XDH: variants seen among roughly 807,000 people sequenced by gnomAD.
The protein encoded by XDH is xanthine dehydrogenase, also known as xanthine dehydrogenase/oxidase.
Under a neutral mutation model 156.1 loss-of-function variants are expected in XDH, and 138 were observed. That is an observed-to-expected ratio of 0.88 (90% confidence interval 0.77 to 1.02). The LOEUF (loss-of-function observed/expected upper bound fraction) is 1.02. Among genes scored for constraint, XDH ranks in the 50% least tolerant of loss-of-function variants. The pLI is 0.00. For synonymous variants in XDH, 669 were observed against 625.7 expected (o/e 1.07, Z -1.03); for missense variants, 1,849 against 1,684.9 (o/e 1.10, Z -1.71).
chr2:31,352,145 A>T (rs1041014576), intron 24 of XDH, among the ~76,000 whole-genome samples: 1 of 151,818 alleles, frequency 6.6e-6, no homozygotes, highest in Non-Finnish European at 1.5e-5. Context: ...GATCCTCAAA[A>T]TTTTTTTGTA....
chr2:31,383,300 G>A, intron 10 of XDH, 148 bp from the exon 11 acceptor site: 1 of 1,270,414 alleles, frequency 7.9e-7, no homozygotes, highest in East Asian at 2.5e-5. Flanking sequence ...AGGGCCCAGA[G>A]TGGTTGAGTG....
At chr2:31,394,665 G>A (rs771528859) in intron 6 of XDH, among the ~76,000 whole-genome samples, 3 of 151,698 alleles carry the variant, frequency 2.0e-5, no homozygotes, top group South Asian at 2.1e-4. Context: ...TGATATTCTC[G>A]TTACACATAT....
chr2:31,335,996 C>A lies in XDH; in HGVS notation c.3964G>T (p.Val1322Phe), dbSNP rs761661416. The change falls in exon 36 of 36, where the codon GTC becomes TTC. Residue 1322 changes from valine (V) to phenylalanine (F), a missense_variant. Transcript: ENST00000379416. ...DKFTTLCVTG[V>F]PENCKPWSVR... ...GACCAGGGTTTGCAGTTTTCTGGGA[C>A]ACCAGTGACACACTAGGAAGGAATG... 3.8e-5 allele frequency: 61 copies of A among 1,614,086 alleles called. No individual in the cohort carries two copies. The highest frequency in any genetic ancestry group is 5.1e-5 in the Non-Finnish European group (60 of 1,180,040).
Position 31,383,849 on chromosome 2 carries a change from T to A in XDH, c.794-2A>T. ...TATTCTTGAACTTCATCTCAATGCCTAGAGAGAAACAAGAAGCTGAAGTTG... is the reference window on the plus strand; with the variant it reads ...TATTCTTGAACTTCATCTCAATGCCAAGAGAGAAACAAGAAGCTGAAGTTG... On this transcript the variant is annotated splice_acceptor_variant, in intron 9 of 35. Transcript: ENST00000379416. LOFTEE classifies it high-confidence loss of function. 1 of 1,613,612 alleles carries A rather than the reference T, an allele frequency of 6.2e-7. No individual in the cohort carries two copies. The highest frequency in any genetic ancestry group is 8.5e-7 in the Non-Finnish European group (1 of 1,179,824).
chr2:31,368,537 T>A lies in XDH; in HGVS notation c.2100+4A>T. ...CTCTACACAGGCAGCCCATTCTCAG[T>A]TACCTCAATTGTGATAATGGCTGGT... On this transcript the variant is annotated splice_donor_region_variant and intron_variant, in intron 19 of 35. Transcript: ENST00000379416. 6.2e-7 allele frequency: 1 copy of A among 1,614,176 alleles called. No individual in the cohort carries two copies. Among genetic ancestry groups the A allele is most frequent in the Non-Finnish European group, 8.5e-7 (1 of 1,180,008 alleles).
intron 20 of XDH, 108 bp downstream of exon 20, chr2:31,367,853 G>A (rs1685962136): frequency 1.9e-6 from 2 of 1,079,890 alleles, no homozygotes; most frequent in South Asian, 2.5e-5. Context: ...CTTCTGTCAG[G>A]AAATGTCCAG....
chr2:31,342,265 T>C lies in XDH; in HGVS notation c.3437A>G (p.Asn1146Ser), dbSNP rs1436855350. 1.2e-6 allele frequency: 2 copies of C among 1,613,988 alleles called. No homozygotes were observed. The highest frequency in any genetic ancestry group is 1.3e-5 in the African/African-American group (1 of 74,914). ...TPNLGYSFET[N>S]SGNPFHYFSY... ...GAAGTAGTGGAAGGGGTTCCCTGAG[T>C]TAGTCTCAAAGCTGTAGCCCAGATT... is the stretch of plus-strand genomic sequence containing the variant. The change falls in exon 32 of 36, where the codon AAC becomes AGC. Residue 1146 changes from asparagine to serine, a missense_variant. By Grantham distance (46) the Asn-to-Ser change is conservative (BLOSUM62 1). Transcript: ENST00000379416.
Position 31,382,812 on chromosome 2 carries a change from A to C in XDH, c.1038+189T>G, listed in dbSNP as rs1686473523. Among the ~76,000 whole-genome samples, 2 of 152,190 alleles carry C rather than the reference A, an allele frequency of 1.3e-5. 1 individual carries two copies. The highest frequency in any genetic ancestry group is 4.1e-4 in the South Asian group (2 of 4,832). On this transcript the variant is annotated intron_variant, in intron 11 of 35. Transcript: ENST00000379416. ...CACCTGAAGAGCTGGGCTACATCCC[A>C]GACCCATGTATCAGAATCTCTGAGG...
chr2:31,372,161 G>C, intron 17 of XDH, 67 bp downstream of exon 17: 1 of 1,611,732 alleles, frequency 6.2e-7, no homozygotes, highest in East Asian at 2.2e-5. Context: ...GGTGAGAGAA[G>C]TCTCCTGGGT....
In XDH at chr2:31,335,776, G is replaced by T. The variant is rs1572504139; in HGVS notation, c.*182C>A. On this transcript the variant is annotated 3_prime_UTR_variant, in exon 36 of 36. Coordinates refer to ENST00000379416, the MANE Select transcript of XDH (RefSeq NM_000379.4). Reference sequence around the variant, plus strand: ...CAGTTTTGAATTTGCTTATCATTGTGTTTACAAATTACATTTTTGATCAAA... The same window carrying T: ...CAGTTTTGAATTTGCTTATCATTGTTTTTACAAATTACATTTTTGATCAAA... 4.3e-6 allele frequency: 3 copies of T among 698,136 alleles called. No individual in the cohort carries two copies. Among genetic ancestry groups the T allele is most frequent in the East Asian group, 5.4e-5 (2 of 36,888 alleles). 43.2% of individuals were successfully genotyped at this position (698,136 alleles called of 1,614,324 possible). A position where few individuals can be genotyped will look rare whatever the true frequency, so the allele number is the denominator to read the frequency against.
At chr2:31,404,928 A>G (rs1157658486) in intron 2 of XDH, among the ~76,000 whole-genome samples, 1 of 152,216 alleles carries the variant, frequency 6.6e-6, no homozygotes, top group Non-Finnish European at 1.5e-5. Flanking sequence ...CTGTCCCCAA[A>G]TATGTCACTG....
intron 13 of XDH, among the ~76,000 whole-genome samples, chr2:31,378,078 GAAAGAAAGAAAGAAAGAAAGAAAGA>G: frequency 3.1e-5 from 1 of 31,972 alleles, no homozygotes; most frequent in South Asian, 1.7e-3. Flanking sequence ...AAGAAAGAAA[GAAAGAAAGAAAGAAAGAAAGAAAGA>G]AAGAAAGGAA....
At chr2:31,371,475 A>C (rs1440353525) in intron 17 of XDH, among the ~76,000 whole-genome samples, 1 of 152,212 alleles carries the variant, frequency 6.6e-6, no homozygotes, top group Non-Finnish European at 1.5e-5. Context: ...AAGTGTGTGC[A>C]GCCCAGGAAG....
intron 6 of XDH, chr2:31,389,657 A>G (rs1009560031): frequency 1.3e-5 from 2 of 152,110 alleles, no homozygotes; most frequent in African/African-American, 4.8e-5. Context: ...GTGCCAGTGC[A>G]TTATTACTTA....
intron 24 of XDH, among the ~76,000 whole-genome samples, chr2:31,360,960 C>T (rs1685762136): frequency 6.6e-6 from 1 of 152,196 alleles, no homozygotes; most frequent in African/African-American, 2.4e-5. Flanking sequence ...TTTCAGCTTC[C>T]ATAAAACTTT....
At chr2:31,403,936 C>T (rs772210939) in intron 2 of XDH, among the ~76,000 whole-genome samples, 1 of 152,076 alleles carries the variant, frequency 6.6e-6, no homozygotes, top group African/African-American at 2.4e-5. Context: ...AGGATATAAT[C>T]GCCTGGTCAC....
rs1426313942 is a variant in XDH at position 31,372,226 on chromosome 2, ACTTGAT to A, written c.1852_1856+1del. 7.4e-6 allele frequency: 12 copies of A among 1,613,966 alleles called. No homozygotes were observed. The highest frequency in any genetic ancestry group is 1.0e-5 in the Non-Finnish European group (12 of 1,180,006). On this transcript the variant is annotated splice_donor_variant and coding_sequence_variant, in exon 17 of 36. Coordinates refer to ENST00000379416, the MANE Select transcript of XDH (RefSeq NM_000379.4). LOFTEE classifies it high-confidence loss of function. ...CCAGCTCCTCCTGGCGGTGTCACTC[ACTTGAT>A]CTTGGCGTGGGCCCGGGTGCTGGTG... is the stretch of plus-strand genomic sequence containing the variant.
intron 31 of XDH, among the ~76,000 whole-genome samples, chr2:31,342,639 A>T (rs766489255): frequency 1.3e-5 from 2 of 152,178 alleles, no homozygotes; most frequent in Non-Finnish European, 1.5e-5. Context: ...ACTCCAAAGG[A>T]TGTACTGAAT....
At position 31,372,417 on chromosome 2, in the gene XDH, A is replaced by G. The variant is rs766720762; in HGVS notation, c.1687-20T>C. 6.2e-7 allele frequency: 1 copy of G among 1,613,694 alleles called. No homozygotes were observed. The highest frequency in any genetic ancestry group is 2.2e-5 in the East Asian group (1 of 44,896). On this transcript the variant is annotated intron_variant, in intron 16 of 35. Transcript: ENST00000379416. The stretch of plus-strand genomic sequence containing the variant: ...CACCTCCTGGAATGACAGGGTCATC[A>G]ATCAGGGTGAGCTGCCAAGGACACT...
Sources: gnomAD v4.1 joint callset for allele counts (sites outside exome capture counted in the v4.1 genomes callset) on GRCh38, gnomAD v4.1.1 for gene constraint, MANE v1.5 for transcripts, NCBI Gene and HGNC (gene_info 2026-07-23, HGNC 2026-07-21) for gene names.